The following EIF4EBP1 variants were observed in gnomAD, a reference collection of about 807,000 sequenced individuals.
The protein encoded by EIF4EBP1 is eukaryotic translation initiation factor 4E binding protein 1.
In EIF4EBP1, 5 loss-of-function variants were observed where a neutral mutation model predicts 9.2. That is an observed-to-expected ratio of 0.54 (90% CI 0.28 to 1.14). The LOEUF (loss-of-function observed/expected upper bound fraction) is 1.14, where lower values mean the gene tolerates loss of function less well. Among genes scored for constraint, EIF4EBP1 ranks in the 50% most tolerant of loss-of-function variants. EIF4EBP1 has a pLI of 0.09. For missense variants in EIF4EBP1, 139 were observed against 169.6 expected (o/e 0.82, Z 1.00); for synonymous variants, 62 against 67.0 (o/e 0.93, Z 0.36).
At chr8:38,053,455 C>T (rs993052544) in intron 1 of EIF4EBP1, among the ~76,000 whole-genome samples, 2 of 151,590 alleles carry the variant, frequency 1.3e-5, no homozygotes, top group African/African-American at 2.4e-5. Flanking sequence ...CAGGTTCAAG[C>T]GATTCTCCTG....
intron 1 of EIF4EBP1, among the ~76,000 whole-genome samples, chr8:38,033,126 G>A (rs1356948889): frequency 2.1e-5 from 3 of 145,776 alleles, no homozygotes; most frequent in South Asian, 4.3e-4. Flanking sequence ...GTGCAGTGGC[G>A]CAATCTCAGC....
chr8:38,046,432 C>T (rs898241624), intron 1 of EIF4EBP1, among the ~76,000 whole-genome samples: 6 of 152,086 alleles, frequency 3.9e-5, no homozygotes, highest in African/African-American at 1.4e-4. Context: ...TCTTGGTTTC[C>T]GTGGGCCTAA....
chr8:38,039,375 T>C (rs570334399), intron 1 of EIF4EBP1, among the ~76,000 whole-genome samples: 1 of 151,474 alleles, frequency 6.6e-6, no homozygotes, highest in South Asian at 2.1e-4. Context: ...TAAGCTATAA[T>C]GTTCAGTAGG....
At chr8:38,053,615 C>T (rs1474238256) in intron 1 of EIF4EBP1, among the ~76,000 whole-genome samples, 1 of 152,194 alleles carries the variant, frequency 6.6e-6, no homozygotes, top group Non-Finnish European at 1.5e-5. Flanking sequence ...TTCATAGCAG[C>T]ATGATTCACA....
chr8:38,049,430 G>A (rs1809489099), intron 1 of EIF4EBP1, among the ~76,000 whole-genome samples: 1 of 151,484 alleles, frequency 6.6e-6, no homozygotes, highest in Non-Finnish European at 1.5e-5. Flanking sequence ...ACTGAAAGGG[G>A]AGCTTCAATT....
At chr8:38,036,386 G>A (rs960839714) in intron 1 of EIF4EBP1, among the ~76,000 whole-genome samples, 1 of 151,990 alleles carries the variant, frequency 6.6e-6, no homozygotes, top group Non-Finnish European at 1.5e-5. Flanking sequence ...GGTGGCAGGC[G>A]CCTGTAATCC....
At chr8:38,053,998 G>GT (rs1435872899) in intron 1 of EIF4EBP1, among the ~76,000 whole-genome samples, 2 of 152,162 alleles carry the variant, frequency 1.3e-5, no homozygotes, top group Non-Finnish European at 2.9e-5. Context: ...TACCGAAAAT[G>GT]TTTAAGATGG....
At position 38,057,114 on chromosome 8, in the gene EIF4EBP1, T is replaced by G. The variant is rs1160488301; in HGVS notation, c.179T>G (p.Met60Arg). Reference protein sequence around the residue: ...TRIIYDRKFLMECRNSPVTKT... With the variant: ...TRIIYDRKFLRECRNSPVTKT... ...ATCATCTATGACCGGAAATTCCTGA[T>G]GGAGTGTCGGAACTCACCTGTGACC... Residue 60 changes from methionine (M) to arginine (R), a missense_variant, in exon 2 of 3, where the codon ATG becomes AGG. Transcript: ENST00000338825. The G allele has an allele frequency of 6.2e-7, 1 of 1,614,208 alleles. No individual in the cohort carries two copies.
chr8:38,043,399 C>T (rs1487602552), intron 1 of EIF4EBP1, among the ~76,000 whole-genome samples: 8 of 142,894 alleles, frequency 5.6e-5, no homozygotes, highest in South Asian at 2.2e-4. Flanking sequence ...GAGTCTTGCT[C>T]TGTTGCCCAG....
intron 1 of EIF4EBP1, among the ~76,000 whole-genome samples, chr8:38,031,882 G>T (rs1809228045): frequency 1.3e-5 from 2 of 152,212 alleles, no homozygotes; most frequent in South Asian, 4.1e-4. Flanking sequence ...TCCCAGATTG[G>T]ACAAGAAATA....
At chr8:38,037,925 C>A (rs1245616265) in intron 1 of EIF4EBP1, among the ~76,000 whole-genome samples, 1 of 151,948 alleles carries the variant, frequency 6.6e-6, no homozygotes, top group Non-Finnish European at 1.5e-5. Context: ...AGGCACACAC[C>A]ACCACGCCTG....
intron 1 of EIF4EBP1, among the ~76,000 whole-genome samples, chr8:38,049,858 T>G (rs2130393246): frequency 6.6e-6 from 1 of 152,206 alleles, no homozygotes; most frequent in South Asian, 2.1e-4. Flanking sequence ...CATCCAATAT[T>G]GGACCCCTAA....
intron 1 of EIF4EBP1, among the ~76,000 whole-genome samples, chr8:38,040,042 C>T (rs867395735): frequency 6.6e-6 from 1 of 152,016 alleles, no homozygotes. Flanking sequence ...GCACATGCTA[C>T]CACACCTGGC....
At chr8:38,030,854 C>A in intron 1 of EIF4EBP1, 136 bp downstream of exon 1, 1 of 1,288,034 alleles carries the variant, frequency 7.8e-7, no homozygotes, top group Non-Finnish European at 1.0e-6. Flanking sequence ...GGAGAGACAG[C>A]GAGGGTCATG....
intron 1 of EIF4EBP1, among the ~76,000 whole-genome samples, chr8:38,035,161 T>TG (rs1809281526): frequency 6.6e-6 from 1 of 152,264 alleles, no homozygotes; most frequent in Non-Finnish European, 1.5e-5. Flanking sequence ...AAAGATTTGG[T>TG]GGGGGGTTCC....
intron 1 of EIF4EBP1, among the ~76,000 whole-genome samples, chr8:38,041,911 G>C (rs756529177): frequency 2.0e-4 from 31 of 151,990 alleles, no homozygotes; most frequent in Non-Finnish European, 3.7e-4. Context: ...AGGATCTCTG[G>C]AGCCCAGGAA....
At position 38,033,603 on chromosome 8, in the gene EIF4EBP1, CA is replaced by C. The variant is rs756883496; in HGVS notation, c.145+2886del. On this transcript the variant is annotated intron_variant, in intron 1 of 2. Coordinates refer to ENST00000338825, the MANE Select transcript of EIF4EBP1 (RefSeq NM_004095.4). ...GCACCTGCTTACTTATAGGGACTGT[CA>C]GCTTCTCAGGAAAAACCATTGGAGT... Among the ~76,000 whole-genome samples, 461 of 152,030 alleles carry C rather than the reference CA, an allele frequency of 3.0e-3. 4 individuals are homozygous for C. Among genetic ancestry groups the C allele is most frequent in the South Asian group, 0.02 (96 of 4,810 alleles).
At chr8:38,041,491 C>T (rs1003774004) in intron 1 of EIF4EBP1, among the ~76,000 whole-genome samples, 1 of 152,196 alleles carries the variant, frequency 6.6e-6, no homozygotes, top group Non-Finnish European at 1.5e-5. Context: ...TAATCCTCCA[C>T]AAGGGCCAGA....
chr8:38,034,393 C>T (rs1194725950), intron 1 of EIF4EBP1, among the ~76,000 whole-genome samples: 1 of 152,112 alleles, frequency 6.6e-6, no homozygotes, highest in Non-Finnish European at 1.5e-5. Context: ...CACTGAGGCT[C>T]TGCTCTGAGG....
Sources: allele counts gnomAD v4.1 joint callset (sites outside exome capture counted in the v4.1 genomes callset), GRCh38; gene constraint gnomAD v4.1.1; transcripts MANE v1.5; gene names NCBI Gene and HGNC (gene_info 2026-07-23, HGNC 2026-07-21).